The following SDR42E1 variants were observed in gnomAD, a reference collection of about 807,000 sequenced individuals.
SDR42E1 encodes short-chain dehydrogenase/reductase family 42E member 1.
In SDR42E1, 5 loss-of-function variants were observed where a neutral mutation model predicts 2.6. The observed-to-expected ratio is 1.94, with a 90% confidence interval of 1.01 to 4.08. The LOEUF is 4.08. Ranked by LOEUF, SDR42E1 falls within the 30% of genes most tolerant of loss-of-function variation. SDR42E1 has a pLI of 0.00. For missense variants in SDR42E1, 596 were observed against 478.6 expected (o/e 1.25, Z -2.29); for synonymous variants, 231 against 188.3 (o/e 1.23, Z -1.86).
In SDR42E1 at chr16:82,003,426, C is replaced by T. The variant is rs149168376; in HGVS notation, c.-26-2542G>A. 1.1e-3 allele frequency among the ~76,000 whole-genome samples: 171 copies of T among 152,358 alleles called. No individual in the cohort carries two copies. The Middle Eastern group carries it at 0.024, about 21-fold the overall frequency. The stretch of plus-strand genomic sequence containing the variant: ...TGCTATTTCCCAACACAGTAGACAT[C>T]AGTTACTGATATATCAATACAGACT... On this transcript the variant is annotated intron_variant, in intron 1 of 2. Transcript: ENST00000328945.
intron 1 of SDR42E1, among the ~76,000 whole-genome samples, chr16:82,005,531 C>T (rs1597180190): frequency 6.6e-6 from 1 of 152,136 alleles, no homozygotes; most frequent in East Asian, 1.9e-4. Context: ...GCAGACCTGC[C>T]CCCACCCAAA....
rs752239192 is a variant in SDR42E1, at chr16:82,000,321, C to G, written c.69-97G>C. 1.2e-5 allele frequency: 18 copies of G among 1,483,780 alleles called. 1 individual carries two copies. Among genetic ancestry groups the G allele is most frequent in the Admixed American group, 5.0e-5 (3 of 59,584 alleles). 91.9% of individuals were successfully genotyped at this position (1,483,780 alleles called of 1,614,324 possible). ...TTTACCAATCAAGGTGGGGCTGATC[C>G]AAGTCTTCTTGGCTCATCCTGAGCC... On this transcript the variant is annotated intron_variant, in intron 2 of 2. Transcript: ENST00000328945.
At position 82,006,509 on chromosome 16, in the gene SDR42E1, G is replaced by C. The variant is rs1013144983; in HGVS notation, c.-27+4878C>G. On this transcript the variant is annotated intron_variant, in intron 1 of 2. Transcript: ENST00000328945. ...GAGATGTGACATATAAAATTCAAAAGGGGCTGGGTGCAGTGGCTCACGCCT... is the reference window on the plus strand; with the variant it reads ...GAGATGTGACATATAAAATTCAAAACGGGCTGGGTGCAGTGGCTCACGCCT... Among the ~76,000 whole-genome samples, 5 of 152,166 alleles carry C rather than the reference G, an allele frequency of 3.3e-5. No individual in the cohort carries two copies. The East Asian group carries it at 9.6e-4, about 29-fold the overall frequency.
Position 82,000,043 on chromosome 16 carries a change from T to C in SDR42E1, c.250A>G (p.Met84Val), listed in dbSNP as rs755718224. 6.2e-6 allele frequency: 10 copies of C among 1,614,190 alleles called. 1 individual carries two copies. In the Middle Eastern group the frequency reaches 1.5e-3, roughly 240 times the overall value. ...CGATTGAGTTGCTCCCGCCCTGACA[T>C]ACCATAAGAGGCAATATGGAACACA... ...TCVFHIASYGMSGREQLNRNL... is the reference protein window; with the variant it reads ...TCVFHIASYGVSGREQLNRNL... Residue 84 changes from methionine to valine, a missense_variant, in exon 3 of 3, where the codon ATG becomes GTG. Transcript: ENST00000328945.
rs1046817542 is a variant in SDR42E1 at position 81,994,202 on chromosome 16, C to T, written c.*4909G>A. 1 of 152,194 alleles carries T rather than the reference C, an allele frequency of 6.6e-6. No homozygotes were observed. Among genetic ancestry groups the T allele is most frequent in the African/African-American group, 2.4e-5 (1 of 41,432 alleles). 9.4% of individuals were successfully genotyped at this position (152,194 alleles called of 1,614,324 possible). On this transcript the variant is annotated 3_prime_UTR_variant, in exon 3 of 3. Coordinates refer to ENST00000328945, the MANE Select transcript of SDR42E1 (RefSeq NM_145168.3). ...CGTCCCGCAGGCAGCGTTACGGAAC[C>T]CCAGTGTAGTCACCAGGACCTCCTC...
At chr16:82,006,304 A>T (rs909054840) in intron 1 of SDR42E1, among the ~76,000 whole-genome samples, 6 of 152,226 alleles carry the variant, frequency 3.9e-5, no homozygotes, top group African/African-American at 1.4e-4. Context: ...AGGTAACTGT[A>T]TTCTTATTAT....
chr16:82,000,197 T>G lies in SDR42E1; in HGVS notation c.96A>C (p.Gly32=). The G allele has an allele frequency of 6.2e-7, 1 of 1,609,156 alleles. No homozygotes were observed. The highest frequency in any genetic ancestry group is 8.5e-7 in the Non-Finnish European group (1 of 1,177,654). ...FRLGCALNQN[G]VHVILFDISS... Reference sequence around the variant, plus strand: ...TGATGTCAAACAGAATCACATGGACTCCATTTTGGTTCAGGGCACAGCCCA... The same window carrying G: ...TGATGTCAAACAGAATCACATGGACGCCATTTTGGTTCAGGGCACAGCCCA... The change falls in exon 3 of 3, where the codon GGA becomes GGC. Residue 32 remains glycine, a synonymous_variant. Transcript: ENST00000328945.
intron 1 of SDR42E1, among the ~76,000 whole-genome samples, chr16:82,003,240 T>A (rs1294866982): frequency 6.6e-6 from 1 of 152,208 alleles, no homozygotes; most frequent in African/African-American, 2.4e-5. Context: ...AGAAAATTCA[T>A]GAAGAATGAA....
chr16:82,000,859 A>G lies in SDR42E1; in HGVS notation c.-1T>C. 6.2e-7 allele frequency: 1 copy of G among 1,613,040 alleles called. No homozygotes were observed. The highest frequency in any genetic ancestry group is 1.1e-5 in the South Asian group (1 of 90,878). On this transcript the variant is annotated 5_prime_UTR_variant, in exon 2 of 3. Transcript: ENST00000328945. ...CCTTTTGAGATCTTTTGGGGTCCATATGTGGCAGTCAAAAGATAACTGGAC... is the reference window on the plus strand; with the variant it reads ...CCTTTTGAGATCTTTTGGGGTCCATGTGTGGCAGTCAAAAGATAACTGGAC...
chr16:82,001,961 T>TACACAC (rs375862551), intron 1 of SDR42E1, among the ~76,000 whole-genome samples: 4,173 of 137,208 alleles, frequency 0.03, 165 homozygotes, highest in African/African-American at 0.088. Flanking sequence ...TGGGTGCGTA[T>TACACAC]ACACACACAC....
rs997497051 is a variant in SDR42E1 at position 81,988,918 on chromosome 16, T to C, written c.*10193A>G. Reference sequence around the variant, plus strand: ...GTAGAATACTGCTACATACCCAGAATTCAGGATTTTCTACTATATTCTATT... The same window carrying C: ...GTAGAATACTGCTACATACCCAGAACTCAGGATTTTCTACTATATTCTATT... On this transcript the variant is annotated 3_prime_UTR_variant, in exon 3 of 3. Transcript: ENST00000328945. 2 of 152,218 alleles carry C rather than the reference T, an allele frequency of 1.3e-5. No individual in the cohort carries two copies. The highest frequency in any genetic ancestry group is 4.8e-5 in the African/African-American group (2 of 41,454). 9.4% of individuals were successfully genotyped at this position (152,218 alleles called of 1,614,324 possible). A position where few individuals can be genotyped will look rare whatever the true frequency, so the allele number is the denominator to read the frequency against.
intron 1 of SDR42E1, among the ~76,000 whole-genome samples, chr16:82,009,881 G>A (rs59037033): frequency 0.018 from 2,793 of 152,296 alleles, 78 homozygotes; most frequent in African/African-American, 0.062. Flanking sequence ...TAATTACCAC[G>A]TGTCCTGGGA....
In SDR42E1 at chr16:81,990,853, T is replaced by C. The variant is rs1031739507; in HGVS notation, c.*8258A>G. 3.9e-5 allele frequency: 6 copies of C among 152,204 alleles called. No homozygotes were observed. The highest frequency in any genetic ancestry group is 8.8e-5 in the Non-Finnish European group (6 of 68,036). The allele number at this position is 152,204 out of a possible 1,614,324, so 9.4% of individuals were successfully genotyped here. A position where few individuals can be genotyped will look rare whatever the true frequency, so the allele number is the denominator to read the frequency against. ...GCTGTGCTCAGAGACACTTCCACTG[T>C]GAAGTGCTTTGTAAAAAGTTCACCC... On this transcript the variant is annotated 3_prime_UTR_variant, in exon 3 of 3. Coordinates refer to ENST00000328945, the MANE Select transcript of SDR42E1 (RefSeq NM_145168.3).
chr16:81,993,742 C>A lies in SDR42E1; in HGVS notation c.*5369G>T, dbSNP rs1381178709. The A allele has an allele frequency of 6.6e-6, 1 of 152,162 alleles. No individual in the cohort carries two copies. The highest frequency in any genetic ancestry group is 2.4e-5 in the African/African-American group (1 of 41,428). The allele number at this position is 152,162 out of a possible 1,614,324, so 9.4% of individuals were successfully genotyped here. ...AGAAGTAGAAAAAACAGACATGGTT[C>A]CTGCTCTCATGGGGCGTTTATGTTC... On this transcript the variant is annotated 3_prime_UTR_variant, in exon 3 of 3. Coordinates refer to ENST00000328945, the MANE Select transcript of SDR42E1 (RefSeq NM_145168.3).
chr16:82,001,928 A>C (rs922918914), intron 1 of SDR42E1, among the ~76,000 whole-genome samples: 10 of 150,582 alleles, frequency 6.6e-5, no homozygotes, highest in Non-Finnish European at 1.5e-4. Flanking sequence ...AACCACAGGA[A>C]GCACACAGGT....
chr16:82,009,672 G>T (rs1248099154), intron 1 of SDR42E1, among the ~76,000 whole-genome samples: 1 of 152,208 alleles, frequency 6.6e-6, no homozygotes, highest in Non-Finnish European at 1.5e-5. Flanking sequence ...TAGGTGGAAG[G>T]GGCTTGCCTT....
chr16:82,006,327 C>A (rs1036474602), intron 1 of SDR42E1, among the ~76,000 whole-genome samples: 3 of 152,164 alleles, frequency 2.0e-5, no homozygotes, highest in Admixed American at 6.5e-5. Context: ...TGAGATCTGG[C>A]AAATATATTC....
intron 2 of SDR42E1, chr16:82,000,563 G>T: frequency 1.7e-6 from 1 of 589,286 alleles, no homozygotes; most frequent in East Asian, 2.8e-5. Flanking sequence ...ATTGTTTTTG[G>T]TGATGTGAAT....
chr16:82,004,324 G>C (rs73600718), intron 1 of SDR42E1, among the ~76,000 whole-genome samples: 6,321 of 152,102 alleles, frequency 0.042, 419 homozygotes, highest in African/African-American at 0.14. Flanking sequence ...TCACAGGTGG[G>C]GGTGCACCAC....
Sources: allele counts gnomAD v4.1 joint callset (sites outside exome capture counted in the v4.1 genomes callset), GRCh38; gene constraint gnomAD v4.1.1; transcripts MANE v1.5; gene names NCBI Gene and HGNC (gene_info 2026-07-23, HGNC 2026-07-21).